CCDC192: variants seen among roughly 807,000 people sequenced by gnomAD.
CCDC192 encodes the protein coiled-coil domain-containing protein 192.
At chr5:127,828,706 C>T (rs1749649084) in intron 5 of CCDC192, among the ~76,000 whole-genome samples, 1 of 151,980 alleles carries the variant, frequency 6.6e-6, no homozygotes, top group African/African-American at 2.4e-5. Context: ...GGAGGTCTCT[C>T]AGAAGAAATG....
intron 6 of CCDC192, among the ~76,000 whole-genome samples, chr5:127,913,144 G>C (rs1409737632): frequency 6.6e-6 from 1 of 152,206 alleles, no homozygotes; most frequent in African/African-American, 2.4e-5. Flanking sequence ...TAATTTTTCA[G>C]CTGTGACCTG....
At chr5:127,877,651 A>G (rs556019115) in intron 6 of CCDC192, among the ~76,000 whole-genome samples, 5 of 138,448 alleles carry the variant, frequency 3.6e-5, no homozygotes, top group African/African-American at 1.4e-4. Flanking sequence ...TCCCAGAATA[A>G]TATTAACTGG....
chr5:127,923,377 CT>C (rs746234133), intron 6 of CCDC192, among the ~76,000 whole-genome samples: 445 of 142,236 alleles, frequency 3.1e-3, no homozygotes, highest in African/African-American at 5.3e-3. Flanking sequence ...TTTCATTAGT[CT>C]TTTTTTTTTT....
At chr5:127,747,089 GTTTC>G (rs1315603152) in intron 2 of CCDC192, among the ~76,000 whole-genome samples, 2 of 149,236 alleles carry the variant, frequency 1.3e-5, no homozygotes, top group African/African-American at 2.5e-5. Flanking sequence ...TTTATTTCTT[GTTTC>G]TTTTTTATTT....
chr5:127,853,664 T>A (rs1211606284), intron 5 of CCDC192, among the ~76,000 whole-genome samples: 2 of 152,146 alleles, frequency 1.3e-5, no homozygotes, highest in East Asian at 3.9e-4. Context: ...TCCCAGCTAC[T>A]CTGGAGGTTG....
intron 1 of CCDC192, among the ~76,000 whole-genome samples, chr5:127,703,969 A>G (rs1750820506): frequency 6.6e-6 from 1 of 152,218 alleles, no homozygotes; most frequent in African/African-American, 2.4e-5. Context: ...ATGGAAGTAC[A>G]GTTCACTTCT....
At chr5:127,714,419 C>G (rs1421645659) in intron 2 of CCDC192, among the ~76,000 whole-genome samples, 2 of 152,166 alleles carry the variant, frequency 1.3e-5, no homozygotes, top group African/African-American at 2.4e-5. Flanking sequence ...GATAGAATCT[C>G]ACTCTGTCAC....
At chr5:127,830,315 A>G (rs377653158) in intron 5 of CCDC192, among the ~76,000 whole-genome samples, 2 of 152,228 alleles carry the variant, frequency 1.3e-5, no homozygotes, top group African/African-American at 2.4e-5. Flanking sequence ...AAAAGGAATG[A>G]CTACCTTGTG....
At chr5:127,863,469 T>G (rs1751459217) in intron 5 of CCDC192, among the ~76,000 whole-genome samples, 1 of 152,196 alleles carries the variant, frequency 6.6e-6, no homozygotes, top group South Asian at 2.1e-4. Context: ...ATAAATACTG[T>G]GTGATTCCAC....
chr5:127,834,673 G>A (rs1410886552), intron 5 of CCDC192, among the ~76,000 whole-genome samples: 1 of 152,192 alleles, frequency 6.6e-6, no homozygotes, highest in Non-Finnish European at 1.5e-5. Context: ...GGGAGCAACT[G>A]TTGCGTGCAA....
At chr5:127,727,293 A>G (rs1374292522) in intron 2 of CCDC192, among the ~76,000 whole-genome samples, 3 of 152,042 alleles carry the variant, frequency 2.0e-5, no homozygotes, top group Admixed American at 6.6e-5. Flanking sequence ...ACCAGCATGG[A>G]GAAACCCCAT....
At chr5:127,907,710 AC>A (rs1271250778) in intron 6 of CCDC192, among the ~76,000 whole-genome samples, 1 of 152,238 alleles carries the variant, frequency 6.6e-6, no homozygotes, top group African/African-American at 2.4e-5. Flanking sequence ...AGTGGCTGAA[AC>A]TGGTAGAAGT....
chr5:127,813,411 A>C (rs1445794725), intron 5 of CCDC192, among the ~76,000 whole-genome samples: 1 of 152,202 alleles, frequency 6.6e-6, no homozygotes, highest in Non-Finnish European at 1.5e-5. Context: ...CAAAATAAAA[A>C]AGGAAATTGT....
chr5:127,814,380 G>T (rs1019072738), intron 5 of CCDC192, among the ~76,000 whole-genome samples: 1 of 152,088 alleles, frequency 6.6e-6, no homozygotes, highest in Non-Finnish European at 1.5e-5. Flanking sequence ...GCTCTTTCCC[G>T]CATAAAACAC....
intron 1 of CCDC192, among the ~76,000 whole-genome samples, chr5:127,706,492 C>G (rs1310807158): frequency 3.5e-5 from 5 of 143,058 alleles, no homozygotes; most frequent in South Asian, 2.2e-4. Context: ...CTACTGCACT[C>G]CAGCCTGGGT....
chr5:127,848,005 C>T (rs1750639899), intron 5 of CCDC192, among the ~76,000 whole-genome samples: 1 of 151,936 alleles, frequency 6.6e-6, no homozygotes. Context: ...CCATGTTGGC[C>T]AGCCTGGTCT....
chr5:127,788,745 C>T (rs748341749), intron 3 of CCDC192, among the ~76,000 whole-genome samples: 79 of 152,036 alleles, frequency 5.2e-4, no homozygotes, highest in Non-Finnish European at 3.7e-4. Flanking sequence ...CTGTTTATTT[C>T]TCTTCATTGT....
intron 5 of CCDC192, among the ~76,000 whole-genome samples, chr5:127,799,522 T>C (rs1196905070): frequency 6.6e-6 from 1 of 152,188 alleles, no homozygotes; most frequent in African/African-American, 2.4e-5. Flanking sequence ...GGATGTCCCG[T>C]CACGACATTT....
At chr5:127,878,477 G>C (rs1306433188) in intron 6 of CCDC192, among the ~76,000 whole-genome samples, 1 of 152,306 alleles carries the variant, frequency 6.6e-6, no homozygotes, top group Middle Eastern at 3.4e-3. Flanking sequence ...CTCATTACTG[G>C]AAAGGAGTGA....
Sources: allele counts gnomAD v4.1 joint callset (sites outside exome capture counted in the v4.1 genomes callset), GRCh38; gene constraint gnomAD v4.1.1; transcripts MANE v1.5; gene names NCBI Gene and HGNC (gene_info 2026-07-23, HGNC 2026-07-21).